Variants in BTAF1 observed in about 807,000 individuals in gnomAD.
BTAF1 encodes B-TFIID TATA-box binding protein associated factor 1.
In BTAF1, 38 loss-of-function variants were observed where a neutral mutation model predicts 227.1. That is an observed-to-expected ratio of 0.17 (90% CI 0.13 to 0.22). BTAF1 has a LOEUF of 0.22. Among genes scored for constraint, BTAF1 ranks in the 10% least tolerant of loss-of-function variants. The probability of loss-of-function intolerance (pLI) is 1.00; values close to 1 mark genes in which losing one functional copy is unlikely to be tolerated. For missense variants in BTAF1, 1,598 were observed against 2,204.0 expected, an observed-to-expected ratio of 0.73 and a Z score of 5.51; for synonymous variants, 742 against 751.9, an observed-to-expected ratio of 0.99 and a Z score of 0.21.
rs1254004006 is a variant in BTAF1, at chr10:91,980,475, C to T, written c.1672C>T (p.Pro558Ser). ...TCAGAACTCTTCATCTTGGCTTATACCTATACTGCCTGATATGCTCCGACA... is the reference window on the plus strand; with the variant it reads ...TCAGAACTCTTCATCTTGGCTTATATCTATACTGCCTGATATGCTCCGACA... ...QDQNSSSWLI[P>S]ILPDMLRHIF... Residue 558 changes from proline to serine, a missense_variant, in exon 15 of 38, where the codon CCT (proline) becomes TCT (serine). Physicochemically the swap from Pro to Ser is moderately conservative, Grantham distance 74 (BLOSUM62 -1). Coordinates refer to ENST00000265990, the MANE Select transcript of BTAF1 (RefSeq NM_003972.3). 6.2e-7 allele frequency: 1 copy of T among 1,612,770 alleles called. No individual in the cohort carries two copies. The highest frequency in any genetic ancestry group is 2.2e-5 in the East Asian group (1 of 44,832).
intron 25 of BTAF1, among the ~76,000 whole-genome samples, chr10:92,000,139 C>T (rs768599785): frequency 6.6e-6 from 1 of 152,164 alleles, no homozygotes; most frequent in Non-Finnish European, 1.5e-5. Flanking sequence ...ACTGCAACAA[C>T]AAAGATACTA....
At position 92,030,520 on chromosome 10, in the gene BTAF1, T is replaced by A. The variant is rs1590019964; in HGVS notation, c.*1587T>A. Among the ~76,000 whole-genome samples, 1 of 152,244 alleles carries A rather than the reference T, an allele frequency of 6.6e-6. No homozygotes were observed. Among genetic ancestry groups the A allele is most frequent in the Middle Eastern group, 3.4e-3 (1 of 294 alleles). On this transcript the variant is annotated 3_prime_UTR_variant, in exon 38 of 38. Coordinates refer to ENST00000265990, the MANE Select transcript of BTAF1 (RefSeq NM_003972.3). ...CCATAAACCAGCTCTTTAACATAGC[T>A]TATAGTAATTGATATTTTCTTAGAA...
chr10:91,944,696 T>A (rs1409337247), intron 4 of BTAF1, among the ~76,000 whole-genome samples: 1 of 152,230 alleles, frequency 6.6e-6, no homozygotes, highest in African/African-American at 2.4e-5. Flanking sequence ...CCCCATATCC[T>A]TAGCTATCAC....
chr10:92,002,269 G>A (rs529379965), intron 25 of BTAF1, among the ~76,000 whole-genome samples: 1 of 152,238 alleles, frequency 6.6e-6, no homozygotes, highest in African/African-American at 2.4e-5. Flanking sequence ...TCTCTGTTAA[G>A]TCTTCATAGA....
intron 19 of BTAF1, 85 bp from the exon 20 acceptor site, chr10:91,989,065 CAGAA>C (rs1223466644): frequency 8.3e-7 from 1 of 1,206,386 alleles, no homozygotes; most frequent in Non-Finnish European, 1.1e-6. Context: ...AAAATTGAAA[CAGAA>C]AGCTTGCTGT....
In BTAF1 at chr10:91,924,023, C is replaced by T; in HGVS notation, c.-54C>T. 2 of 1,591,384 alleles carry T rather than the reference C, an allele frequency of 1.3e-6. No individual in the cohort carries two copies. Among genetic ancestry groups the T allele is most frequent in the South Asian group, 1.1e-5 (1 of 87,454 alleles). ...CGCTCAGCTCTCTGGAAACTAGCGC[C>T]TCAGCTGCGCGGCGCGTAGGTCGCG... On this transcript the variant is annotated 5_prime_UTR_variant, in exon 1 of 38. Coordinates refer to ENST00000265990, the MANE Select transcript of BTAF1 (RefSeq NM_003972.3).
At chr10:91,936,204 G>T (rs1050644297) in intron 2 of BTAF1, among the ~76,000 whole-genome samples, 1 of 152,164 alleles carries the variant, frequency 6.6e-6, no homozygotes, top group Non-Finnish European at 1.5e-5. Context: ...CTGCTTTGGT[G>T]TATCAGTGTT....
At chr10:91,951,150 A>G (rs190231462) in intron 4 of BTAF1, among the ~76,000 whole-genome samples, 1 of 152,216 alleles carries the variant, frequency 6.6e-6, no homozygotes, top group Non-Finnish European at 1.5e-5. Flanking sequence ...ATTATTTTAT[A>G]TATATTTACT....
In BTAF1 at chr10:91,957,264, T is replaced by G. The variant is rs1479857032; in HGVS notation, c.871T>G (p.Cys291Gly). Residue 291 changes from cysteine (C) to glycine (G), a missense_variant, in exon 8 of 38, where the codon TGC (cysteine) becomes GGC (glycine). Physicochemically the swap from Cys to Gly is radical, Grantham distance 159. Around this residue, in one of 10 missense-constraint regions of BTAF1, gnomAD observed 298 missense variants for 395.2 expected, o/e 0.75. Coordinates refer to ENST00000265990, the MANE Select transcript of BTAF1 (RefSeq NM_003972.3). ...TTTGGAAAGCTTTTGTGAAGAACTT[T>G]GCAATGACCTTTTTAATCCCTCCTG... ...WPLESFCEEL[C>G]NDLFNPSWEV... 6.2e-7 allele frequency: 1 copy of G among 1,613,016 alleles called. No homozygotes were observed. Among genetic ancestry groups the G allele is most frequent in the Non-Finnish European group, 8.5e-7 (1 of 1,179,334 alleles).
At chr10:92,011,642 G>T (rs1190953655) in intron 30 of BTAF1, among the ~76,000 whole-genome samples, 1 of 152,026 alleles carries the variant, frequency 6.6e-6, no homozygotes, top group Non-Finnish European at 1.5e-5. Flanking sequence ...TATATAAATA[G>T]AAATCTTGTG....
chr10:92,021,536 G>GT (rs796525935), intron 34 of BTAF1, among the ~76,000 whole-genome samples: 147 of 145,996 alleles, frequency 1.0e-3, no homozygotes, highest in East Asian at 3.2e-3. Context: ...ATATTGAGTT[G>GT]TTTTTTTTTT....
intron 11 of BTAF1, among the ~76,000 whole-genome samples, chr10:91,960,959 A>G (rs907224906): frequency 5.9e-5 from 9 of 152,212 alleles, no homozygotes; most frequent in African/African-American, 2.2e-4. Flanking sequence ...CCTTTACTAA[A>G]CTAATAAGTG....
chr10:92,024,281 C>T (rs1851336349), intron 34 of BTAF1, among the ~76,000 whole-genome samples: 1 of 152,046 alleles, frequency 6.6e-6, no homozygotes, highest in African/African-American at 2.4e-5. Flanking sequence ...ATTGAATAAC[C>T]CTTTAGGAAC....
Position 91,962,664 on chromosome 10 carries a change from C to T in BTAF1, c.1390C>T (p.Leu464Phe), listed in dbSNP as rs1156517353. 6.3e-7 allele frequency: 1 copy of T among 1,592,896 alleles called. No homozygotes were observed. The highest frequency in any genetic ancestry group is 8.5e-7 in the Non-Finnish European group (1 of 1,172,430). Residue 464 changes from leucine to phenylalanine, a missense_variant, in exon 12 of 38, where the codon CTT becomes TTT. Transcript: ENST00000265990. ...LVPVVESLVYLQTQKVPFIIN... is the reference protein window; with the variant it reads ...LVPVVESLVYFQTQKVPFIIN... ...GCCTGTAGTAGAAAGCCTTGTCTAT[C>T]TTCAGACACAAAAGGTAAATTAAAT...
At chr10:92,007,112 A>G (rs1232951865) in intron 25 of BTAF1, among the ~76,000 whole-genome samples, 1 of 151,434 alleles carries the variant, frequency 6.6e-6, no homozygotes, top group Non-Finnish European at 1.5e-5. Flanking sequence ...CAGAATTCAC[A>G]GTTTTTTTCC....
chr10:91,985,709 G>A lies in BTAF1; in HGVS notation c.2427+1305G>A, dbSNP rs143407730. Among the ~76,000 whole-genome samples the A allele has an allele frequency of 3.8e-3, 575 of 152,150 alleles. 3 individuals are homozygous for A. Among genetic ancestry groups the A allele is most frequent in the Non-Finnish European group, 5.9e-3 (399 of 67,972 alleles). ...TTGTGGTTTTAATTTCCATTTCCTTGATGACTAATATGTTGAATACTTTCT... is the reference window on the plus strand; with the variant it reads ...TTGTGGTTTTAATTTCCATTTCCTTAATGACTAATATGTTGAATACTTTCT... On this transcript the variant is annotated intron_variant, in intron 19 of 37. Coordinates refer to ENST00000265990, the MANE Select transcript of BTAF1 (RefSeq NM_003972.3).
chr10:91,986,893 G>T (rs1196134800), intron 19 of BTAF1, among the ~76,000 whole-genome samples: 1 of 151,840 alleles, frequency 6.6e-6, no homozygotes, highest in Non-Finnish European at 1.5e-5. Flanking sequence ...GTTTTCAAAG[G>T]AGCCACTGCC....
rs1037935880 is a variant in BTAF1, at chr10:91,956,536, G to A, written c.710G>A (p.Ser237Asn). Residue 237 changes from serine to asparagine, a missense_variant, in exon 7 of 38, where the codon AGC (serine) becomes AAC (asparagine). By Grantham distance (46) the Ser-to-Asn change is conservative. Transcript: ENST00000265990. Reference sequence around the variant, plus strand: ...TGACTTTTATTTTTTAGCAATGATAGCACTGATGGGGAGCCAGAAGAAAAG... The same window carrying A: ...TGACTTTTATTTTTTAGCAATGATAACACTGATGGGGAGCCAGAAGAAAAG... ...AVETNEKSND[S>N]TDGEPEEKRR... The A allele has an allele frequency of 1.2e-6, 2 of 1,601,858 alleles. No homozygotes were observed. The highest frequency in any genetic ancestry group is 1.8e-5 in the Admixed American group (1 of 56,596).
Position 91,980,520 on chromosome 10 carries a change from T to G in BTAF1, c.1717T>G (p.Leu573Val), listed in dbSNP as rs1159591770. 9 of 1,613,196 alleles carry G rather than the reference T, an allele frequency of 5.6e-6. No homozygotes were observed. In the South Asian group the frequency reaches 7.7e-5, roughly 14 times the overall value. ...CCGACACATTTTTCAGTTCTGTGTT[T>G]TGGAAAGCAGCCAGGAAATTCTGGA... The part of the protein sequence containing the change: ...MLRHIFQFCV[L>V]ESSQEILDLI... Residue 573 changes from leucine to valine, a missense_variant, in exon 15 of 38, where the codon TTG becomes GTG. By Grantham distance (32) the Leu-to-Val change is conservative (BLOSUM62 1). Around this residue, in one of 10 missense-constraint regions of BTAF1, gnomAD observed 318 missense variants for 435.0 expected, o/e 0.73. Coordinates refer to ENST00000265990, the MANE Select transcript of BTAF1 (RefSeq NM_003972.3).
Sources: allele counts gnomAD v4.1 joint callset (sites outside exome capture counted in the v4.1 genomes callset), GRCh38; gene constraint gnomAD v4.1.1; regional missense constraint gnomAD v4.1.1; transcripts MANE v1.5; gene names NCBI Gene and HGNC (gene_info 2026-07-23, HGNC 2026-07-21).